The following CEP83 variants were observed in gnomAD, a reference collection of about 807,000 sequenced individuals.
CEP83 encodes centrosomal protein 83.
In CEP83, 70 loss-of-function variants were observed where a neutral mutation model predicts 101.9. The observed-to-expected ratio is 0.69, with a 90% CI of 0.57 to 0.84. The LOEUF is 0.84. Among genes scored for constraint, CEP83 ranks in the 40% least tolerant of loss-of-function variants. The pLI is 0.00. For synonymous variants in CEP83, 264 were observed against 267.9 expected, an observed-to-expected ratio of 0.99 and a Z score of 0.14; for missense variants, 715 against 787.2, an observed-to-expected ratio of 0.91 and a Z score of 1.10.
At chr12:94,341,461 T>A (rs547474292) in intron 11 of CEP83, among the ~76,000 whole-genome samples, 81 of 152,158 alleles carry the variant, frequency 5.3e-4, no homozygotes, top group Middle Eastern at 6.8e-3. Context: ...TTTTAATGAA[T>A]GATCAAAATA....
intron 4 of CEP83, among the ~76,000 whole-genome samples, chr12:94,403,831 A>G (rs2063387466): frequency 6.6e-6 from 1 of 151,934 alleles, no homozygotes; most frequent in Non-Finnish European, 1.5e-5. Flanking sequence ...TCTGGCACAT[A>G]GGAACCACTC....
At chr12:94,370,808 G>A (rs1015444782) in intron 8 of CEP83, among the ~76,000 whole-genome samples, 8 of 151,994 alleles carry the variant, frequency 5.3e-5, no homozygotes, top group Non-Finnish European at 8.8e-5. Context: ...GGGCAACATA[G>A]TGAGATCCTT....
intron 1 of CEP83, among the ~76,000 whole-genome samples, chr12:94,449,408 C>A (rs1036577490): frequency 1.3e-5 from 2 of 151,878 alleles, no homozygotes; most frequent in Non-Finnish European, 2.9e-5. Flanking sequence ...GAACATATAC[C>A]CAAAATTCCT....
In CEP83 at chr12:94,331,784, C is replaced by G. The variant is rs1384222204; in HGVS notation, c.1623G>C (p.Lys541Asn). ...CTCTGTCTGTGATACGCTCATGAAG[C>G]TTATGCTTTTCTTCCAACCACTGTA... ...KQIQWLEEKH[K>N]LHERITDREE... The change falls in exon 14 of 17, where the codon AAG becomes AAC. Residue 541 changes from lysine to asparagine, a missense_variant. Transcript: ENST00000397809. 1 of 1,613,278 alleles carries G rather than the reference C, an allele frequency of 6.2e-7. No individual in the cohort carries two copies. The highest frequency in any genetic ancestry group is 2.2e-5 in the East Asian group (1 of 44,880).
At chr12:94,423,833 A>C in intron 2 of CEP83, 1 of 1,613,452 alleles carries the variant, frequency 6.2e-7, no homozygotes, top group African/African-American at 1.3e-5. Context: ...TCCTCGACTG[A>C]AACACTGGAA....
chr12:94,350,791 A>C (rs1200913954), intron 11 of CEP83, among the ~76,000 whole-genome samples: 1 of 152,178 alleles, frequency 6.6e-6, no homozygotes, highest in African/African-American at 2.4e-5. Context: ...TAAAAAATAA[A>C]ATTTTTAAAT....
chr12:94,413,648 T>C (rs1221475273), intron 2 of CEP83, among the ~76,000 whole-genome samples: 1 of 152,190 alleles, frequency 6.6e-6, no homozygotes, highest in Non-Finnish European at 1.5e-5. Flanking sequence ...TTATACACTG[T>C]GTTAAGAAAA....
intron 11 of CEP83, chr12:94,361,441 A>C (rs2060754140): frequency 6.6e-6 from 1 of 152,224 alleles, no homozygotes; most frequent in South Asian, 2.1e-4. Context: ...AGAGTGGGTC[A>C]AAACTCTACG....
chr12:94,364,843 C>A (rs1219376758), intron 11 of CEP83, among the ~76,000 whole-genome samples: 1 of 152,042 alleles, frequency 6.6e-6, no homozygotes, highest in East Asian at 1.9e-4. Flanking sequence ...CTGATCAAAT[C>A]CATACCTCAC....
chr12:94,422,554 C>G (rs1050798187), intron 2 of CEP83, among the ~76,000 whole-genome samples: 44 of 152,118 alleles, frequency 2.9e-4, no homozygotes, highest in African/African-American at 1.0e-3. Context: ...TTCAAGAAAG[C>G]CTCAATTTCA....
intron 11 of CEP83, chr12:94,361,199 C>A (rs1247399936): frequency 1.3e-5 from 2 of 152,118 alleles, no homozygotes; most frequent in Admixed American, 6.5e-5. Flanking sequence ...ACGGGTGAGA[C>A]CTCAATAACA....
At chr12:94,332,118 A>C (rs995988166) in intron 13 of CEP83, among the ~76,000 whole-genome samples, 1 of 152,250 alleles carries the variant, frequency 6.6e-6, no homozygotes, top group Non-Finnish European at 1.5e-5. Context: ...ACTGAGGATT[A>C]GAGCAGTTAA....
chr12:94,312,833 A>G lies in CEP83; in HGVS notation c.1811+81T>C. ...TTTAAAATGTATATTTTAAAAGAAA[A>G]GAAGGTACGTTATACTTAGAGACAA... On this transcript the variant is annotated intron_variant, in intron 15 of 16. Transcript: ENST00000397809. The G allele has an allele frequency of 4.1e-6, 5 of 1,232,700 alleles. No homozygotes were observed. In the South Asian group the frequency reaches 5.7e-5, roughly 14 times the overall value. 76.4% of individuals were successfully genotyped at this position (1,232,700 alleles called of 1,614,324 possible).
At chr12:94,317,933 A>T (rs1351430439) in intron 14 of CEP83, among the ~76,000 whole-genome samples, 1 of 152,142 alleles carries the variant, frequency 6.6e-6, no homozygotes, top group Non-Finnish European at 1.5e-5. Context: ...CATGAATTTT[A>T]AAAGTTTTTT....
At chr12:94,279,689 G>A in the CEP83 span, 7 of 1,578,444 alleles carry the variant, frequency 4.4e-6, no homozygotes, top group East Asian at 6.7e-5. Context: ...AGGCCCTGAT[G>A]AGTGTCCCTC....
At chr12:94,321,843 T>C (rs2058757851) in intron 14 of CEP83, among the ~76,000 whole-genome samples, 2 of 151,648 alleles carry the variant, frequency 1.3e-5, no homozygotes. Context: ...GAGATTCAGG[T>C]TGGGAGGACG....
intron 11 of CEP83, chr12:94,361,606 G>A (rs2060764255): frequency 6.6e-6 from 1 of 152,066 alleles, no homozygotes; most frequent in South Asian, 2.1e-4. Context: ...ATAGATAAAT[G>A]AGATCGTATC....
chr12:94,412,584 A>C lies in CEP83; in HGVS notation c.-94T>G. The C allele has an allele frequency of 1.0e-6, 1 of 982,822 alleles. No homozygotes were observed. The highest frequency in any genetic ancestry group is 1.5e-5 in the South Asian group (1 of 68,424). 60.9% of individuals were successfully genotyped at this position (982,822 alleles called of 1,614,324 possible). A position where few individuals can be genotyped will look rare whatever the true frequency, so the allele number is the denominator to read the frequency against. The stretch of plus-strand genomic sequence containing the variant: ...GCTAAGGCAGAATCTCAGGAAGCCA[A>C]ATTATACCTGCACAGAGAAATAAAC... On this transcript the variant is annotated 5_prime_UTR_variant, in exon 3 of 17. The change creates a new upstream start codon in the 5' untranslated region. Transcript: ENST00000397809.
the CEP83 span, chr12:94,279,728 T>G: frequency 8.4e-7 from 1 of 1,191,062 alleles, no homozygotes; most frequent in Non-Finnish European, 1.2e-6. Context: ...CTGTCCCCCC[T>G]CCCTGCCCCC....
Sources: allele counts gnomAD v4.1 joint callset (sites outside exome capture counted in the v4.1 genomes callset), GRCh38; gene constraint gnomAD v4.1.1; transcripts MANE v1.5; gene names NCBI Gene and HGNC (gene_info 2026-07-23, HGNC 2026-07-21).